The following STRADA variants were observed in gnomAD, a reference collection of about 807,000 sequenced individuals.
The protein encoded by STRADA is STE20-related kinase adapter protein alpha.
Under a neutral mutation model 55.0 loss-of-function variants are expected in STRADA, and 26 were observed. That is an observed-to-expected ratio of 0.47 (90% CI 0.35 to 0.66). STRADA has a LOEUF of 0.66. STRADA is among the 30% of genes least tolerant of loss of function. The probability of loss-of-function intolerance (pLI) is 0.01; values close to 1 mark genes in which losing one functional copy is unlikely to be tolerated. For synonymous variants in STRADA, 197 were observed against 210.9 expected (o/e 0.93, Z 0.57); for missense variants, 443 against 549.7 (o/e 0.81, Z 1.94).
intron 4 of STRADA, among the ~76,000 whole-genome samples, chr17:63,723,005 T>C (rs566974945): frequency 2.6e-4 from 39 of 152,276 alleles, no homozygotes; most frequent in Non-Finnish European, 4.6e-4. Flanking sequence ...TGTTGAAACT[T>C]ACTTTTTTGG....
At chr17:63,715,255 A>T (rs775237069) in intron 4 of STRADA, 2 of 152,150 alleles carry the variant, frequency 1.3e-5, no homozygotes, top group African/African-American at 2.4e-5. Flanking sequence ...ATTGCACATG[A>T]TTCCTCCATA....
intron 4 of STRADA, among the ~76,000 whole-genome samples, chr17:63,720,271 C>T (rs1335246977): frequency 6.6e-6 from 1 of 151,788 alleles, no homozygotes; most frequent in Non-Finnish European, 1.5e-5. Context: ...AACTCCTGGG[C>T]TTAAGGGATT....
chr17:63,735,635 T>G (rs6504179), intron 1 of STRADA, among the ~76,000 whole-genome samples: 103,368 of 152,132 alleles, frequency 0.68, 35,492 homozygotes, highest in African/African-American at 0.78. Context: ...TAACCATATA[T>G]CTGAGGACAG....
intron 1 of STRADA, among the ~76,000 whole-genome samples, chr17:63,731,231 C>T (rs1267202570): frequency 6.7e-6 from 1 of 149,540 alleles, no homozygotes; most frequent in East Asian, 2.0e-4. Flanking sequence ...GCGTGACTCA[C>T]TGCACCTGGC....
chr17:63,713,147 G>C (rs1366549793), intron 6 of STRADA, among the ~76,000 whole-genome samples: 1 of 152,156 alleles, frequency 6.6e-6, no homozygotes, highest in Non-Finnish European at 1.5e-5. Context: ...CCATGAGCAA[G>C]TTACTTAGCT....
chr17:63,738,605 T>G (rs2038627369), intron 1 of STRADA, among the ~76,000 whole-genome samples: 1 of 151,792 alleles, frequency 6.6e-6, no homozygotes, highest in South Asian at 2.1e-4. Context: ...TGCCTGTAAT[T>G]CCAGCACTTT....
At chr17:63,729,770 C>G (rs2037899733) in intron 1 of STRADA, among the ~76,000 whole-genome samples, 1 of 150,772 alleles carries the variant, frequency 6.6e-6, no homozygotes, top group Admixed American at 6.6e-5. Flanking sequence ...GCCTGGGTGA[C>G]AGAGCTAGAC....
At position 63,731,507 on chromosome 17, in the gene STRADA, G is replaced by A. The variant is rs542174889; in HGVS notation, c.-44-3094C>T. The stretch of plus-strand genomic sequence containing the variant: ...TCTCGATCTCCTGACCTCGTGATCC[G>A]TCCGCCTTGGCCTCCCAAAGTGCTG... On this transcript the variant is annotated intron_variant, in intron 1 of 12. Transcript: ENST00000336174. 7.9e-5 allele frequency among the ~76,000 whole-genome samples: 12 copies of A among 151,476 alleles called. No individual in the cohort carries two copies. The East Asian group carries it at 1.2e-3, about 15-fold the overall frequency.
At chr17:63,704,666 A>C (rs935787214) in intron 10 of STRADA, 84 bp from the exon 11 acceptor site, 41 of 1,517,520 alleles carry the variant, frequency 2.7e-5, no homozygotes, top group Non-Finnish European at 3.6e-5. Context: ...CTCTTCACAA[A>C]TACACTGTTC....
chr17:63,728,902 AAT>A (rs1555706595), intron 1 of STRADA, among the ~76,000 whole-genome samples: 1 of 149,500 alleles, frequency 6.7e-6, no homozygotes, highest in Non-Finnish European at 1.5e-5. Flanking sequence ...AAAAAAAAAA[AAT>A]TTTAATTAAT....
rs1317904957 is a variant in STRADA at position 63,702,875 on chromosome 17, GA to G, written c.*723del. The G allele has an allele frequency of 1.3e-5, 2 of 152,582 alleles. No individual in the cohort carries two copies. The highest frequency in any genetic ancestry group is 1.5e-5 in the Non-Finnish European group (1 of 68,084). The allele number at this position is 152,582 out of a possible 1,614,324, so 9.5% of individuals were successfully genotyped here. ...GAAAATTTTAATTTGTTCTGACAACGAAACTAACACAGCATAAGGACTTAAG... is the reference window on the plus strand; with the variant it reads ...GAAAATTTTAATTTGTTCTGACAACGAACTAACACAGCATAAGGACTTAAG... On this transcript the variant is annotated 3_prime_UTR_variant, in exon 13 of 13. Transcript: ENST00000336174.
intron 1 of STRADA, among the ~76,000 whole-genome samples, chr17:63,739,756 A>G (rs1302484142): frequency 1.3e-5 from 1 of 79,964 alleles, no homozygotes; most frequent in Non-Finnish European, 2.2e-5. Context: ...GATACATTAT[A>G]TATTTATGTA....
At chr17:63,727,736 T>C (rs956543345) in intron 2 of STRADA, 1 of 152,188 alleles carries the variant, frequency 6.6e-6, no homozygotes, top group African/African-American at 2.4e-5. Flanking sequence ...TAATATCTCA[T>C]AGCACTTATA....
At chr17:63,731,095 C>T (rs1230602099) in intron 1 of STRADA, among the ~76,000 whole-genome samples, 4 of 151,388 alleles carry the variant, frequency 2.6e-5, no homozygotes, top group Non-Finnish European at 4.4e-5. Flanking sequence ...AGGCGTGCGC[C>T]ACCACACCCT....
intron 1 of STRADA, among the ~76,000 whole-genome samples, chr17:63,736,837 C>CA (rs2038465248): frequency 9.6e-6 from 1 of 104,120 alleles, no homozygotes; most frequent in Non-Finnish European, 1.8e-5. Flanking sequence ...CTTCCCCCCA[C>CA]GCCCCCCCCA....
chr17:63,707,548 C>T, intron 8 of STRADA, 130 bp from the exon 9 acceptor site: 1 of 794,398 alleles, frequency 1.3e-6, no homozygotes, highest in Non-Finnish European at 2.0e-6. Flanking sequence ...GTGTATTTTA[C>T]ATATACATAA....
At chr17:63,729,949 T>A (rs776721471) in intron 1 of STRADA, among the ~76,000 whole-genome samples, 13 of 151,092 alleles carry the variant, frequency 8.6e-5, no homozygotes, top group Non-Finnish European at 1.8e-4. Flanking sequence ...GTGATTCTCC[T>A]GCCCCAGCCT....
chr17:63,725,025 C>T (rs967411347), intron 3 of STRADA, among the ~76,000 whole-genome samples: 14 of 151,726 alleles, frequency 9.2e-5, no homozygotes, highest in Admixed American at 3.3e-4. Flanking sequence ...CCTTGTGATC[C>T]GCCCGCCTGG....
At chr17:63,705,233 G>A in intron 10 of STRADA, 2 of 423,674 alleles carry the variant, frequency 4.7e-6, no homozygotes, top group Admixed American at 3.7e-5. Context: ...GCCACTTGTG[G>A]CTATTTCGAT....
Sources: allele counts gnomAD v4.1 joint callset (sites outside exome capture counted in the v4.1 genomes callset), GRCh38; gene constraint gnomAD v4.1.1; transcripts MANE v1.5; gene names NCBI Gene and HGNC (gene_info 2026-07-23, HGNC 2026-07-21).